The following RYR2 variants were observed in gnomAD, a reference collection of about 807,000 sequenced individuals.
RYR2 encodes ryanodine receptor 2, also known as cardiac muscle ryanodine receptor-calcium release channel.
In RYR2, 227 loss-of-function variants were observed where a neutral mutation model predicts 601.1. The observed-to-expected ratio is 0.38, with a 90% CI of 0.34 to 0.42. The LOEUF (loss-of-function observed/expected upper bound fraction) is 0.42. RYR2 is among the 10% of genes least tolerant of loss of function. The pLI, the probability that RYR2 is intolerant of heterozygous loss-of-function variation, is 1.00. For synonymous variants in RYR2, 2,223 were observed against 2,175.1 expected, an observed-to-expected ratio of 1.02 and a Z score of -0.61; for missense variants, 4,646 against 6,156.5, an observed-to-expected ratio of 0.75 and a Z score of 8.21.
At chr1:237,328,315 C>T (rs1696359323) in intron 2 of RYR2, among the ~76,000 whole-genome samples, 1 of 152,008 alleles carries the variant, frequency 6.6e-6, no homozygotes, top group Non-Finnish European at 1.5e-5. Context: ...AGAGGACAGA[C>T]TATAATTAGT....
At chr1:237,678,550 T>G (rs1685598734) in intron 61 of RYR2, among the ~76,000 whole-genome samples, 1 of 152,216 alleles carries the variant, frequency 6.6e-6, no homozygotes, top group Non-Finnish European at 1.5e-5. Context: ...CCTGCTCATT[T>G]TATGGAAGAT....
Position 237,775,884 on chromosome 1 carries a change from G to T in RYR2, c.11775+2236G>T, listed in dbSNP as rs553561234. 3.9e-5 allele frequency among the ~76,000 whole-genome samples: 6 copies of T among 152,244 alleles called. 1 individual carries two copies. The South Asian group carries it at 1.2e-3, about 32-fold the overall frequency. On this transcript the variant is annotated intron_variant, in intron 87 of 104. Coordinates refer to ENST00000366574, the MANE Select transcript of RYR2 (RefSeq NM_001035.3). ...AGCTCCCAGAAGCTGAGGACCTAAG[G>T]TTGAGCAAGCCCTGCAAAGGACATT... is the stretch of plus-strand genomic sequence containing the variant.
intron 1 of RYR2, among the ~76,000 whole-genome samples, chr1:237,217,767 G>A (rs953821119): frequency 5.3e-5 from 8 of 152,186 alleles, no homozygotes; most frequent in Admixed American, 2.6e-4. Context: ...CCCACCAGAA[G>A]AGACCTCAGG....
intron 37 of RYR2, among the ~76,000 whole-genome samples, chr1:237,617,064 A>G (rs890120734): frequency 6.6e-6 from 1 of 152,146 alleles, no homozygotes; most frequent in African/African-American, 2.4e-5. Flanking sequence ...ACCAGACCAT[A>G]TCAGTTAACA....
chr1:237,220,515 C>T (rs1683692864), intron 1 of RYR2, among the ~76,000 whole-genome samples: 2 of 152,190 alleles, frequency 1.3e-5, no homozygotes, highest in South Asian at 4.1e-4. Flanking sequence ...TGTCGTAGGA[C>T]TTCTCTGCTT....
chr1:237,809,683 A>G (rs1661050054), intron 100 of RYR2, among the ~76,000 whole-genome samples: 1 of 152,154 alleles, frequency 6.6e-6, no homozygotes, highest in African/African-American at 2.4e-5. Context: ...CCTCACGAAA[A>G]TACCTACATC....
chr1:237,478,120 C>CA (rs34613789), intron 17 of RYR2, among the ~76,000 whole-genome samples: 77,556 of 151,954 alleles, frequency 0.51, 20,915 homozygotes, highest in East Asian at 0.77. Context: ...ATTTCATTAT[C>CA]AAAAACAGGG....
At chr1:237,813,972 G>A (rs184252226) in intron 100 of RYR2, among the ~76,000 whole-genome samples, 4 of 152,254 alleles carry the variant, frequency 2.6e-5, no homozygotes, top group African/African-American at 9.6e-5. Context: ...ACGGGCTGCT[G>A]CCAATCAGTC....
chr1:237,808,012 T>TTAATTTTTGG (rs1210184016), intron 99 of RYR2, among the ~76,000 whole-genome samples: 2 of 152,190 alleles, frequency 1.3e-5, no homozygotes, highest in Non-Finnish European at 2.9e-5. Flanking sequence ...ATCATATACT[T>TTAATTTTTGG]ATAGCTATCC....
chr1:237,685,374 A>G (rs1440711459), intron 62 of RYR2, among the ~76,000 whole-genome samples: 1 of 152,222 alleles, frequency 6.6e-6, no homozygotes, highest in African/African-American at 2.4e-5. Context: ...AGGAATCAGC[A>G]GAGATTGTCA....
intron 16 of RYR2, among the ~76,000 whole-genome samples, chr1:237,459,735 T>A (rs1184670733): frequency 6.6e-6 from 1 of 152,152 alleles, no homozygotes; most frequent in African/African-American, 2.4e-5. Flanking sequence ...GGATTAAATT[T>A]GATTATTTTA....
Position 237,795,446 on chromosome 1 carries a change from C to T in RYR2, c.13956+115C>T. ...GTATAATTTATCTGCCTATTAATGT[C>T]TCCATTTTTTTTTTTTAATTTTTGA... On this transcript the variant is annotated intron_variant, in intron 96 of 104. Coordinates refer to ENST00000366574, the MANE Select transcript of RYR2 (RefSeq NM_001035.3). 1.2e-5 allele frequency: 6 copies of T among 517,794 alleles called. No individual in the cohort carries two copies. The South Asian group carries it at 1.6e-4, about 13-fold the overall frequency. The allele number at this position is 517,794 out of a possible 1,614,324, so 32.1% of individuals were successfully genotyped here.
At chr1:237,541,317 G>A (rs1669235889) in intron 25 of RYR2, among the ~76,000 whole-genome samples, 1 of 152,092 alleles carries the variant, frequency 6.6e-6, no homozygotes, top group Non-Finnish European at 1.5e-5. Context: ...AGTTTGTTTA[G>A]GGCACTAATT....
At position 237,587,046 on chromosome 1, in the gene RYR2, A is replaced by G. The variant is rs148081111; in HGVS notation, c.3599-2747A>G. On this transcript the variant is annotated intron_variant, in intron 29 of 104. Transcript: ENST00000366574. ...ACTTCTTTACTTTTCTTTGTATGTT[A>G]TTAGACCACGAGCACGTTTTGCCCT... Among the ~76,000 whole-genome samples the G allele has an allele frequency of 4.9e-4, 75 of 152,178 alleles. No homozygotes were observed. The South Asian group carries it at 5.0e-3, about 10-fold the overall frequency.
At chr1:237,131,378 A>C (rs1446970929) in intron 1 of RYR2, among the ~76,000 whole-genome samples, 2 of 152,198 alleles carry the variant, frequency 1.3e-5, no homozygotes, top group African/African-American at 4.8e-5. Context: ...TCAATAAAAC[A>C]TCATGAGATA....
rs551140501 is a variant in RYR2 at position 237,436,454 on chromosome 1, C to CTT, written c.1006-4842_1006-4841dup. Among the ~76,000 whole-genome samples, 98 of 48,698 alleles carry CTT rather than the reference C, an allele frequency of 2.0e-3. 4 individuals carry two copies. Among genetic ancestry groups the CTT allele is most frequent in the East Asian group, 7.9e-3 (10 of 1,266 alleles). The allele number at this position is 48,698 out of a possible 152,430, so 31.9% of individuals were successfully genotyped here. A position where few individuals can be genotyped will look rare whatever the true frequency, so the allele number is the denominator to read the frequency against. ...AGCCGAGGGATAATGTGTGATTTTC[C>CTT]TTTTTTTTTTTTTTTTTTTTTTTTG... On this transcript the variant is annotated intron_variant, in intron 12 of 104. Coordinates refer to ENST00000366574, the MANE Select transcript of RYR2 (RefSeq NM_001035.3).
intron 63 of RYR2, among the ~76,000 whole-genome samples, chr1:237,696,741 A>G (rs1432604350): frequency 6.7e-6 from 1 of 149,934 alleles, no homozygotes. Flanking sequence ...TTACTCAGGC[A>G]GAAAACCTTA....
chr1:237,223,492 A>G (rs1200579921), intron 1 of RYR2, among the ~76,000 whole-genome samples: 1 of 152,252 alleles, frequency 6.6e-6, no homozygotes, highest in Admixed American at 6.5e-5. Context: ...GTTGCTTATG[A>G]CAAAGATCTC....
At chr1:237,715,478 A>C (rs1689195925) in intron 71 of RYR2, among the ~76,000 whole-genome samples, 1 of 152,224 alleles carries the variant, frequency 6.6e-6, no homozygotes, top group Non-Finnish European at 1.5e-5. Flanking sequence ...TTTGTGTATA[A>C]GTAGGAATTC....
Sources: gnomAD v4.1 joint callset for allele counts (sites outside exome capture counted in the v4.1 genomes callset) on GRCh38, gnomAD v4.1.1 for gene constraint, MANE v1.5 for transcripts, NCBI Gene and HGNC (gene_info 2026-07-23, HGNC 2026-07-21) for gene names.